SAMD4A: variants seen among roughly 807,000 people sequenced by gnomAD.
SAMD4A encodes protein Smaug homolog 1.
Under a neutral mutation model 81.3 loss-of-function variants are expected in SAMD4A, and 33 were observed. That is an observed-to-expected ratio of 0.41 (90% confidence interval 0.31 to 0.54). The LOEUF (loss-of-function observed/expected upper bound fraction) is 0.54, where lower values mean the gene tolerates loss of function less well. SAMD4A is among the 20% of genes least tolerant of loss of function. SAMD4A has a pLI of 0.37. For missense variants in SAMD4A, 854 were observed against 951.1 expected (o/e 0.90, Z 1.34); for synonymous variants, 389 against 382.1 (o/e 1.02, Z -0.21).
intron 7 of SAMD4A, among the ~76,000 whole-genome samples, chr14:54,764,038 A>T (rs951745130): frequency 2.6e-5 from 4 of 152,250 alleles, no homozygotes; most frequent in African/African-American, 9.6e-5. Flanking sequence ...CTGTCTCTGC[A>T]CCTGGCGAGG....
chr14:54,762,329 T>G (rs1199746117), intron 7 of SAMD4A, among the ~76,000 whole-genome samples: 1 of 152,242 alleles, frequency 6.6e-6, no homozygotes, highest in Admixed American at 6.5e-5. Flanking sequence ...TCTCTGTTAT[T>G]GTCCAATATT....
At chr14:54,716,782 TG>T (rs1169518930) in intron 3 of SAMD4A, among the ~76,000 whole-genome samples, 2 of 152,222 alleles carry the variant, frequency 1.3e-5, no homozygotes, top group Non-Finnish European at 2.9e-5. Flanking sequence ...TAAGTATTCA[TG>T]TTTTTTTCTT....
At chr14:54,750,093 T>C (rs2038064873) in intron 5 of SAMD4A, among the ~76,000 whole-genome samples, 1 of 152,184 alleles carries the variant, frequency 6.6e-6, no homozygotes, top group South Asian at 2.1e-4. Flanking sequence ...TGATGAGAGC[T>C]TTTCTAAGAG....
intron 2 of SAMD4A, among the ~76,000 whole-genome samples, chr14:54,577,108 C>T (rs900731618): frequency 6.6e-6 from 1 of 152,244 alleles, no homozygotes; most frequent in Non-Finnish European, 1.5e-5. Flanking sequence ...GGCTTAATCC[C>T]ACAGGGATCC....
chr14:54,578,186 C>T (rs1270027351), intron 2 of SAMD4A, among the ~76,000 whole-genome samples: 1 of 152,150 alleles, frequency 6.6e-6, no homozygotes, highest in African/African-American at 2.4e-5. Context: ...ACTCTGGCTT[C>T]GGAACCACCC....
At chr14:54,709,989 G>A (rs1452273552) in intron 3 of SAMD4A, among the ~76,000 whole-genome samples, 1 of 152,166 alleles carries the variant, frequency 6.6e-6, no homozygotes, top group East Asian at 1.9e-4. Context: ...CCTGGACCTG[G>A]AAGAAATCTC....
At position 54,571,415 on chromosome 14, in the gene SAMD4A, G is replaced by A. The variant is rs565147903; in HGVS notation, c.196+3303G>A. 3.3e-5 allele frequency among the ~76,000 whole-genome samples: 5 copies of A among 152,266 alleles called. No homozygotes were observed. In the South Asian group the frequency reaches 8.3e-4, roughly 25 times the overall value. Reference sequence around the variant, plus strand: ...GACTTCTGGCCAGTCTCAGTTCCAGGACTAGCAGGTCATTTGATACCTACA... The same window carrying A: ...GACTTCTGGCCAGTCTCAGTTCCAGAACTAGCAGGTCATTTGATACCTACA... On this transcript the variant is annotated intron_variant, in intron 2 of 12. Coordinates refer to ENST00000554335, the MANE Select transcript of SAMD4A (RefSeq NM_015589.6).
chr14:54,758,039 G>A (rs1034283088), intron 6 of SAMD4A, among the ~76,000 whole-genome samples: 1 of 152,190 alleles, frequency 6.6e-6, no homozygotes, highest in Non-Finnish European at 1.5e-5. Flanking sequence ...TCAGGATCAC[G>A]CCTGACTCCT....
intron 2 of SAMD4A, among the ~76,000 whole-genome samples, chr14:54,690,851 A>C (rs12882081): frequency 0.33 from 50,852 of 152,092 alleles, 10,239 homozygotes; most frequent in Non-Finnish European, 0.45. Flanking sequence ...CTTTCTCCTC[A>C]CTGAGCCATG....
At chr14:54,660,277 T>A (rs779040214) in intron 2 of SAMD4A, among the ~76,000 whole-genome samples, 3 of 152,210 alleles carry the variant, frequency 2.0e-5, no homozygotes, top group African/African-American at 4.8e-5. Flanking sequence ...CATATTTTAA[T>A]TGAGGAAACC....
At chr14:54,652,702 G>A (rs1022508250) in intron 2 of SAMD4A, 7 of 150,488 alleles carry the variant, frequency 4.7e-5, no homozygotes, top group African/African-American at 7.4e-5. Context: ...TCGTATCTGC[G>A]TACAGATGGG....
chr14:54,692,705 A>G (rs749013234), intron 2 of SAMD4A, among the ~76,000 whole-genome samples: 1 of 152,074 alleles, frequency 6.6e-6, no homozygotes, highest in Non-Finnish European at 1.5e-5. Context: ...CTGTGTTTAG[A>G]ACACTTCCAG....
chr14:54,784,106 C>G lies in SAMD4A; in HGVS notation c.2045-431C>G, dbSNP rs549280297. ...AAGGCAGGGAGAGCCATGGAAACCA[C>G]CCCAGGGAACAGCGGTGCAAAGGCC... is the stretch of plus-strand genomic sequence containing the variant. On this transcript the variant is annotated intron_variant, in intron 11 of 12. Coordinates refer to ENST00000554335, the MANE Select transcript of SAMD4A (RefSeq NM_015589.6). 5.3e-5 allele frequency among the ~76,000 whole-genome samples: 8 copies of G among 152,214 alleles called. No homozygotes were observed. In the East Asian group the frequency reaches 1.5e-3, roughly 29 times the overall value.
intron 4 of SAMD4A, among the ~76,000 whole-genome samples, chr14:54,741,599 G>A (rs2037844887): frequency 6.6e-6 from 1 of 152,178 alleles, no homozygotes; most frequent in Non-Finnish European, 1.5e-5. Context: ...ACTATCAGAT[G>A]AGCAAAAAAC....
intron 12 of SAMD4A, among the ~76,000 whole-genome samples, chr14:54,787,213 A>G (rs1327944874): frequency 6.6e-6 from 1 of 152,156 alleles, no homozygotes; most frequent in Non-Finnish European, 1.5e-5. Context: ...GGCCTCTAGG[A>G]TTGGTGATCT....
intron 3 of SAMD4A, among the ~76,000 whole-genome samples, chr14:54,722,140 GC>G (rs1337452669): frequency 6.6e-6 from 1 of 152,174 alleles, no homozygotes; most frequent in Admixed American, 6.5e-5. Context: ...AGAAGATGTT[GC>G]TTTTTCCAGT....
At chr14:54,712,074 A>T (rs1237525079) in intron 3 of SAMD4A, among the ~76,000 whole-genome samples, 1 of 152,166 alleles carries the variant, frequency 6.6e-6, no homozygotes, top group Non-Finnish European at 1.5e-5. Flanking sequence ...TCAGCTCTAG[A>T]TGGGTCTGGC....
intron 7 of SAMD4A, 53 bp downstream of exon 7, chr14:54,760,547 C>T (rs577873205): frequency 7.0e-5 from 95 of 1,365,450 alleles, no homozygotes; most frequent in East Asian, 2.1e-4. Context: ...CTAACCAGAG[C>T]GACAGGCTCC....
At chr14:54,729,609 C>A (rs1410267945) in intron 3 of SAMD4A, among the ~76,000 whole-genome samples, 1 of 152,132 alleles carries the variant, frequency 6.6e-6, no homozygotes, top group Non-Finnish European at 1.5e-5. Context: ...AATTCATGGA[C>A]AAACTTAAGG....
Sources: gnomAD v4.1 joint callset for allele counts (sites outside exome capture counted in the v4.1 genomes callset) on GRCh38, gnomAD v4.1.1 for gene constraint, MANE v1.5 for transcripts, NCBI Gene and HGNC (gene_info 2026-07-23, HGNC 2026-07-21) for gene names.